The following ARAP1 variants were observed in gnomAD, a reference collection of about 807,000 sequenced individuals.
The protein encoded by ARAP1 is arf-GAP with Rho-GAP domain, ANK repeat and PH domain-containing protein 1.
ARAP1 carries 76 observed loss-of-function variants against 172.2 expected under a neutral mutation model. The ratio of observed to expected loss-of-function variants is 0.44; its 90% CI spans 0.37 to 0.53. The LOEUF is 0.53. Ranked by LOEUF, ARAP1 falls within the 20% of genes least tolerant of loss-of-function variation. ARAP1 has a pLI of 0.00. For missense variants in ARAP1, 1,686 were observed against 1,977.5 expected, an observed-to-expected ratio of 0.85 and a Z score of 2.80; for synonymous variants, 804 against 803.3, an observed-to-expected ratio of 1.00 and a Z score of -0.01.
At chr11:72,700,756 T>A (rs1281233387) in intron 16 of ARAP1, among the ~76,000 whole-genome samples, 1 of 152,178 alleles carries the variant, frequency 6.6e-6, no homozygotes, top group African/African-American at 2.4e-5. Flanking sequence ...GTAATCCCAG[T>A]ACTTTGGGAG....
At chr11:72,724,254 T>A (rs1459858241) in intron 3 of ARAP1, among the ~76,000 whole-genome samples, 2 of 152,062 alleles carry the variant, frequency 1.3e-5, no homozygotes, top group Admixed American at 1.3e-4. Context: ...CTCGAGACAC[T>A]GAGAGTACAC....
At chr11:72,748,683 A>G (rs1404541240) in intron 1 of ARAP1, among the ~76,000 whole-genome samples, 2 of 152,174 alleles carry the variant, frequency 1.3e-5, no homozygotes, top group South Asian at 4.1e-4. Flanking sequence ...GACATTCCAC[A>G]GGAAGACCAT....
chr11:72,712,563 C>T lies in ARAP1; in HGVS notation c.753G>A (p.Glu251=), dbSNP rs150296100. The T allele has an allele frequency of 5.9e-5, 95 of 1,612,430 alleles. No individual in the cohort carries two copies. The African/African-American group carries it at 1.2e-3, about 20-fold the overall frequency. The stretch of plus-strand genomic sequence containing the variant: ...CCCGTGGGACTCGGCTCGGTGGGGG[C>T]TCCTCCTGCCCCCGAGACCCACTCA... ...APARVMTKKE[E]PPPSRVPRAV... is the part of the protein sequence containing the mutation. Residue 251 remains glutamate, a synonymous_variant, in exon 6 of 35, where the codon GAG becomes GAA. Transcript: ENST00000393609.
intron 13 of ARAP1, chr11:72,705,356 T>C (rs55757127): frequency 0.086 from 13,868 of 160,894 alleles, 719 homozygotes; most frequent in South Asian, 0.15. Flanking sequence ...AGAAGTGGGA[T>C]GGAAAGAGGC....
chr11:72,703,070 C>T lies in ARAP1; in HGVS notation c.2002G>A (p.Ala668Thr). ...GCCAGGTCTGTGGTGGTGACTGCAG[C>T]ACACAGGGCCTAGGAAGAGGCAGGG... ...NQEELDKALCAAVTTTDLAET... is the reference protein window; with the variant it reads ...NQEELDKALCTAVTTTDLAET... Residue 668 changes from alanine to threonine, a missense_variant, in exon 15 of 35, where the codon GCT (alanine) becomes ACT (threonine). Around this residue, in one of 5 missense-constraint regions of ARAP1, gnomAD observed 688 missense variants for 856.9 expected, o/e 0.80. Coordinates refer to ENST00000393609, the MANE Select transcript of ARAP1 (RefSeq NM_001040118.3). 1 of 1,576,468 alleles carries T rather than the reference C, an allele frequency of 6.3e-7. No individual in the cohort carries two copies.
chr11:72,689,595 A>T (rs1409161540), intron 30 of ARAP1: 1 of 152,378 alleles, frequency 6.6e-6, no homozygotes, highest in Non-Finnish European at 1.5e-5. Context: ...ACTTCCTGTG[A>T]TATCACAAAA....
intron 4 of ARAP1, among the ~76,000 whole-genome samples, chr11:72,713,572 G>A (rs1857130836): frequency 6.6e-6 from 1 of 152,174 alleles, no homozygotes; most frequent in African/African-American, 2.4e-5. Flanking sequence ...CTCTGGCCAG[G>A]CGCGGTGGCT....
Position 72,709,859 on chromosome 11 carries a change from T to C in ARAP1, c.1523+11A>G, listed in dbSNP as rs750689609. ...TGAGGATGCCGGTGAGCCAAGAAGA[T>C]GGAGGGTCACCTGAAGATGCGGTAG... On this transcript the variant is annotated intron_variant, in intron 11 of 34. Coordinates refer to ENST00000393609, the MANE Select transcript of ARAP1 (RefSeq NM_001040118.3). 1.9e-5 allele frequency: 30 copies of C among 1,613,304 alleles called. No individual in the cohort carries two copies. The highest frequency in any genetic ancestry group is 1.7e-4 in the Middle Eastern group (1 of 6,060).
Position 72,697,036 on chromosome 11 carries a change from A to C in ARAP1, c.3113T>G (p.Leu1038Arg). ...GGCGCGAGTGAAGAGCCCATCAGGC[A>C]GGTCGCGCAGGAAGCGCTTGAGCGC... ...SSALKRFLRD[L>R]PDGLFTRAQR... Residue 1038 changes from leucine to arginine, a missense_variant, in exon 22 of 35, where the codon CTG becomes CGG. By Grantham distance (102) the Leu-to-Arg change is moderately radical. Transcript: ENST00000393609. The C allele has an allele frequency of 6.2e-7, 1 of 1,609,984 alleles. No individual in the cohort carries two copies. Among genetic ancestry groups the C allele is most frequent in the Non-Finnish European group, 8.5e-7 (1 of 1,179,942 alleles).
Position 72,726,965 on chromosome 11 carries a change from C to G in ARAP1, c.164G>C (p.Gly55Ala). 6.2e-7 allele frequency: 1 copy of G among 1,601,948 alleles called. No homozygotes were observed. The highest frequency in any genetic ancestry group is 1.7e-5 in the Admixed American group (1 of 58,516). ...GCCAGCCAGGATGCGGCGGCGGTGA[C>G]CAGGGAGTAGCATGCCCATGTCCAT... is the stretch of plus-strand genomic sequence containing the variant. ...RLMDMGMLLP[G>A]HRRRILAGLL... The change falls in exon 3 of 35, where the codon GGT (glycine) becomes GCT (alanine). Residue 55 changes from glycine (G) to alanine (A), a missense_variant. Coordinates refer to ENST00000393609, the MANE Select transcript of ARAP1 (RefSeq NM_001040118.3). The surrounding 1 kb of genome is among the most constrained non-coding windows in gnomAD (Gnocchi z 6.5).
Position 72,721,844 on chromosome 11 carries a change from G to A in ARAP1, c.509+4776C>T, listed in dbSNP as rs371525486. On this transcript the variant is annotated intron_variant, in intron 3 of 34. Transcript: ENST00000393609. ...GCAACAACAGCAACGGCGGCACCTC[G>A]CTTACCCTCAGACGCCTGCTGGGTC... 2.5e-5 allele frequency: 25 copies of A among 985,662 alleles called. No individual in the cohort carries two copies. The South Asian group carries it at 5.2e-4, about 20-fold the overall frequency. 61.1% of individuals were successfully genotyped at this position (985,662 alleles called of 1,614,324 possible).
intron 31 of ARAP1, 121 bp from the exon 32 acceptor site, chr11:72,687,859 C>T: frequency 8.3e-7 from 1 of 1,202,594 alleles, no homozygotes; most frequent in East Asian, 2.3e-5. Context: ...AGAGCCTTCT[C>T]ACAAGAGTGG....
At position 72,729,687 on chromosome 11, in the gene ARAP1, G is replaced by C. The variant is rs182296081; in HGVS notation, c.-44-2515C>G. Among the ~76,000 whole-genome samples the C allele has an allele frequency of 2.6e-5, 4 of 152,152 alleles. No homozygotes were observed. The East Asian group carries it at 7.7e-4, about 29-fold the overall frequency. On this transcript the variant is annotated intron_variant, in intron 2 of 34. Coordinates refer to ENST00000393609, the MANE Select transcript of ARAP1 (RefSeq NM_001040118.3). ...AATCCCAACACTTTGGGAGGCTAAA[G>C]CAAGAGGACTGCTTGAGGCCAGGAG...
In ARAP1 at chr11:72,693,428, C is replaced by A. The variant is rs777239850; in HGVS notation, c.3851G>T (p.Arg1284Leu). The change falls in exon 29 of 35, where the codon CGT (arginine) becomes CTT (leucine). Residue 1284 changes from arginine (R) to leucine (L), a missense_variant. Transcript: ENST00000393609. This position sits in a 1 kb window ranked among gnomAD's most constrained non-coding sequence, Gnocchi z 4.6. ...CAGGCCCAGGAGGCTGCGGTCCTCA[C>A]GGAACTTCATCATGCCATGCTTGGT... ...GDTKHGMMKF[R>L]EDRSLLGLGL... The A allele has an allele frequency of 6.2e-7, 1 of 1,613,728 alleles. No homozygotes were observed. The highest frequency in any genetic ancestry group is 8.5e-7 in the Non-Finnish European group (1 of 1,179,816).
rs773617447 is a variant in ARAP1, at chr11:72,710,635, T to A, written c.1214-48A>T. On this transcript the variant is annotated intron_variant, in intron 9 of 34. Transcript: ENST00000393609. This position sits in a 1 kb window ranked among gnomAD's most constrained non-coding sequence, Gnocchi z 4.3. ...TAAGCCCAAGGTTGCAGGGAGCCCCTCAGGGGTCTCCTGGCCCTAGGCTCC... is the reference window on the plus strand; with the variant it reads ...TAAGCCCAAGGTTGCAGGGAGCCCCACAGGGGTCTCCTGGCCCTAGGCTCC... 4.6e-6 allele frequency: 7 copies of A among 1,535,954 alleles called. No individual in the cohort carries two copies. The highest frequency in any genetic ancestry group is 5.3e-6 in the Non-Finnish European group (6 of 1,139,580).
At position 72,727,010 on chromosome 11, in the gene ARAP1, C is replaced by T; in HGVS notation, c.119G>A (p.Gly40Asp). Residue 40 changes from glycine (G) to aspartate (D), a missense_variant, in exon 3 of 35, where the codon GGC (glycine) becomes GAC (aspartate). Transcript: ENST00000393609. ...GTCCATCAGGCGGGTGTCGCTGAGG[C>T]CTTGGCACTCAGTGGCCCACACCAG... Reference protein sequence around the residue: ...HGLVWATECQGLSDTRLMDMG... With the variant: ...HGLVWATECQDLSDTRLMDMG... 1 of 1,608,424 alleles carries T rather than the reference C, an allele frequency of 6.2e-7. No homozygotes were observed. Among genetic ancestry groups the T allele is most frequent in the Non-Finnish European group, 8.5e-7 (1 of 1,177,812 alleles).
Position 72,699,675 on chromosome 11 carries a change from C to T in ARAP1, c.2303-123G>A. On this transcript the variant is annotated intron_variant, in intron 16 of 34. Transcript: ENST00000393609. This position sits in a 1 kb window ranked among gnomAD's most constrained non-coding sequence, Gnocchi z 4.2. ...GAGCTCTTCATTCTCTCAAGTTTTC[C>T]CTAAATCCATCCACCTCTCTGCATC... 1 of 1,349,300 alleles carries T rather than the reference C, an allele frequency of 7.4e-7. No individual in the cohort carries two copies. The highest frequency in any genetic ancestry group is 1.4e-5 in the South Asian group (1 of 70,322). 83.6% of individuals were successfully genotyped at this position (1,349,300 alleles called of 1,614,324 possible). A position where few individuals can be genotyped will look rare whatever the true frequency, so the allele number is the denominator to read the frequency against.
chr11:72,714,858 A>T (rs1177399853), intron 3 of ARAP1, among the ~76,000 whole-genome samples: 1 of 152,084 alleles, frequency 6.6e-6, no homozygotes, highest in Non-Finnish European at 1.5e-5. Context: ...TGGTGCCCTC[A>T]GACTCCTCAA....
intron 4 of ARAP1, 112 bp from the exon 5 acceptor site, chr11:72,713,355 T>C: frequency 3.2e-6 from 3 of 951,474 alleles, no homozygotes; most frequent in Non-Finnish European, 3.2e-6. Flanking sequence ...CATCCCCACC[T>C]CCCCCTGGCT....
Sources: allele counts gnomAD v4.1 joint callset (sites outside exome capture counted in the v4.1 genomes callset), GRCh38; gene constraint gnomAD v4.1.1; regional missense constraint gnomAD v4.1.1; non-coding constraint Gnocchi (gnomAD v3.1); transcripts MANE v1.5; gene names NCBI Gene and HGNC (gene_info 2026-07-23, HGNC 2026-07-21).